SCN1A: variants seen among roughly 807,000 people sequenced by gnomAD.
The protein encoded by SCN1A is sodium channel protein type 1 subunit alpha.
Under a neutral mutation model 193.7 loss-of-function variants are expected in SCN1A, and 13 were observed. The observed-to-expected ratio is 0.07, with a 90% CI of 0.04 to 0.11. SCN1A has a LOEUF of 0.11. Ranked by LOEUF, SCN1A falls within the 10% of genes least tolerant of loss-of-function variation. The probability of loss-of-function intolerance (pLI) is 1.00; values close to 1 mark genes in which losing one functional copy is unlikely to be tolerated. For synonymous variants in SCN1A, 781 were observed against 843.6 expected, an observed-to-expected ratio of 0.93 and a Z score of 1.29; for missense variants, 1,432 against 2,451.1, an observed-to-expected ratio of 0.58 and a Z score of 8.78.
rs185844208 is a variant in SCN1A, at chr2:166,120,661, C to T, written c.-142+6263G>A. Among the ~76,000 whole-genome samples, 359 of 130,960 alleles carry T rather than the reference C, an allele frequency of 2.7e-3. 2 individuals are homozygous for T. The highest frequency in any genetic ancestry group is 9.8e-3 in the African/African-American group (341 of 34,716). 85.9% of individuals were successfully genotyped at this position (130,960 alleles called of 152,430 possible). ...TTGCTCTGTCATCCAGACGCCAGGC[C>T]GGAGTGCAGTGGCATGATCTCGGCT... is the stretch of plus-strand genomic sequence containing the variant. On this transcript the variant is annotated intron_variant, in intron 2 of 28. Coordinates refer to ENST00000674923, the MANE Select transcript of SCN1A (RefSeq NM_001165963.4).
upstream of SCN1A, among the ~76,000 whole-genome samples, chr2:166,129,935 A>ATGTT (rs1691588537): frequency 6.6e-6 from 1 of 152,156 alleles, no homozygotes; most frequent in Non-Finnish European, 1.5e-5. Flanking sequence ...CTGGTCAAAG[A>ATGTT]GAGCCACTAC....
chr2:166,028,817 T>G (rs1695153656), intron 19 of SCN1A, among the ~76,000 whole-genome samples: 1 of 152,162 alleles, frequency 6.6e-6, no homozygotes. Flanking sequence ...AGACTTAGTA[T>G]CTGCCCTCGT....
At chr2:166,005,156 A>T (rs1691480425) in intron 23 of SCN1A, among the ~76,000 whole-genome samples, 1 of 151,398 alleles carries the variant, frequency 6.6e-6, no homozygotes, top group Non-Finnish European at 1.5e-5. Context: ...AAAATTTAAG[A>T]TGCAAACATA....
intron 12 of SCN1A, 38 bp downstream of exon 12, chr2:166,046,732 C>T (rs200799904): frequency 4.7e-5 from 75 of 1,598,362 alleles, no homozygotes; most frequent in East Asian, 4.0e-4. Context: ...ACAATCAGAA[C>T]GATAAAAGGT....
chr2:166,087,166 A>G (rs1476426682), intron 2 of SCN1A, among the ~76,000 whole-genome samples: 4 of 130,792 alleles, frequency 3.1e-5, no homozygotes, highest in Admixed American at 7.4e-5. Context: ...GAACTGGTTG[A>G]AAAAAAAAAA....
At chr2:166,106,124 T>C (rs2106170166) in intron 2 of SCN1A, among the ~76,000 whole-genome samples, 1 of 152,266 alleles carries the variant, frequency 6.6e-6, no homozygotes, top group Non-Finnish European at 1.5e-5. Context: ...AAAGCGGAGC[T>C]TGCAGTGAGC....
chr2:166,116,735 CT>C (rs926157099), intron 2 of SCN1A, among the ~76,000 whole-genome samples: 1 of 152,014 alleles, frequency 6.6e-6, no homozygotes, highest in Non-Finnish European at 1.5e-5. Context: ...AAAAATTCTT[CT>C]TTATAATGAG....
At chr2:166,049,374 C>T (rs1698266167) in intron 9 of SCN1A, among the ~76,000 whole-genome samples, 1 of 151,938 alleles carries the variant, frequency 6.6e-6, no homozygotes, top group Non-Finnish European at 1.5e-5. Context: ...AAAACAGCCA[C>T]ATATTTCAAA....
At chr2:166,037,314 A>G (rs917134129) in intron 18 of SCN1A, among the ~76,000 whole-genome samples, 5 of 152,212 alleles carry the variant, frequency 3.3e-5, no homozygotes, top group Admixed American at 6.5e-5. Context: ...AAATGGCACA[A>G]GCATTATGAA....
intron 19 of SCN1A, among the ~76,000 whole-genome samples, chr2:166,029,749 TCTCAAAGAC>T: frequency 6.6e-6 from 1 of 152,158 alleles, no homozygotes; most frequent in East Asian, 1.9e-4. Context: ...TTTTTCCTGT[TCTCAAAGAC>T]CTCATAAGCT....
At chr2:166,129,572 G>T (rs1250464747), upstream of SCN1A, among the ~76,000 whole-genome samples, 1 of 152,182 alleles carries the variant, frequency 6.6e-6, no homozygotes, top group Non-Finnish European at 1.5e-5. Context: ...ATCTGGTAGA[G>T]TCAGGGCAAA....
chr2:166,058,762 T>A (rs1699378237), intron 4 of SCN1A, 74 bp from the exon 5 acceptor site: 1 of 852,718 alleles, frequency 1.2e-6, no homozygotes, highest in Non-Finnish European at 2.0e-6. Context: ...TTTCTGTTAC[T>A]TGTCATAATA....
At chr2:166,091,959 C>T (rs2106087422) in intron 2 of SCN1A, among the ~76,000 whole-genome samples, 1 of 152,262 alleles carries the variant, frequency 6.6e-6, no homozygotes, top group South Asian at 2.1e-4. Flanking sequence ...TGTCACTGTC[C>T]TTCCCACCCA....
chr2:166,044,945 T>A, intron 13 of SCN1A, 98 bp downstream of exon 13: 1 of 1,286,434 alleles, frequency 7.8e-7, no homozygotes, highest in South Asian at 1.2e-5. Flanking sequence ...AGTGGTTGAT[T>A]CAGTTGATAA....
At chr2:166,029,020 C>T (rs1213802824) in intron 19 of SCN1A, among the ~76,000 whole-genome samples, 1 of 152,008 alleles carries the variant, frequency 6.6e-6, no homozygotes, top group African/African-American at 2.4e-5. Flanking sequence ...GAGAGTATTC[C>T]TGTCAGAGAG....
intron 24 of SCN1A, among the ~76,000 whole-genome samples, chr2:166,001,708 A>C (rs1324263588): frequency 6.6e-6 from 1 of 151,594 alleles, no homozygotes; most frequent in East Asian, 1.9e-4. Flanking sequence ...TTTAAATATA[A>C]ATTATAAACT....
At chr2:166,113,511 T>A (rs1319200627) in intron 2 of SCN1A, among the ~76,000 whole-genome samples, 2 of 152,170 alleles carry the variant, frequency 1.3e-5, no homozygotes, top group Non-Finnish European at 2.9e-5. Context: ...TTGATTAAAA[T>A]GTTTCCTGTC....
At chr2:166,120,706 C>T (rs1354779157) in intron 2 of SCN1A, among the ~76,000 whole-genome samples, 12 of 147,760 alleles carry the variant, frequency 8.1e-5, no homozygotes, top group African/African-American at 1.2e-4. Flanking sequence ...CTCCACCTCC[C>T]GGGTTCAAGT....
intron 4 of SCN1A, among the ~76,000 whole-genome samples, chr2:166,062,096 A>G (rs535238689): frequency 6.6e-6 from 1 of 152,176 alleles, no homozygotes; most frequent in Admixed American, 6.6e-5. Flanking sequence ...TGTGCAAGAC[A>G]TCCTTGCTAC....
Sources: gnomAD v4.1 joint callset for allele counts (sites outside exome capture counted in the v4.1 genomes callset) on GRCh38, gnomAD v4.1.1 for gene constraint, MANE v1.5 for transcripts, NCBI Gene and HGNC (gene_info 2026-07-23, HGNC 2026-07-21) for gene names.